Variants in ZBTB20 observed in about 807,000 individuals in gnomAD.
ZBTB20 encodes zinc finger and BTB domain-containing protein 20.
ZBTB20 carries 9 observed loss-of-function variants against 56.9 expected under a neutral mutation model. That is an observed-to-expected ratio of 0.16 (90% CI 0.10 to 0.28). The LOEUF (loss-of-function observed/expected upper bound fraction) is 0.28, where lower values mean the gene tolerates loss of function less well. Ranked by LOEUF, ZBTB20 falls within the 10% of genes least tolerant of loss-of-function variation. The pLI, the probability that ZBTB20 is intolerant of heterozygous loss-of-function variation, is 1.00. For synonymous variants in ZBTB20, 417 were observed against 420.7 expected (o/e 0.99, Z 0.11); for missense variants, 655 against 1,003.0 (o/e 0.65, Z 4.69).
intron 1 of ZBTB20, among the ~76,000 whole-genome samples, chr3:115,086,097 T>C (rs1425784126): frequency 1.2e-4 from 18 of 151,924 alleles, no homozygotes; most frequent in Non-Finnish European, 1.5e-5. Context: ...AAGCATTTTA[T>C]TTGCAGTATG....
At chr3:114,465,330 A>G (rs1052551866) in intron 7 of ZBTB20, among the ~76,000 whole-genome samples, 2 of 152,142 alleles carry the variant, frequency 1.3e-5, no homozygotes, top group Non-Finnish European at 2.9e-5. Flanking sequence ...TTTTTCTGAA[A>G]CAGTACCACC....
chr3:114,464,994 C>A (rs185212114), intron 7 of ZBTB20, among the ~76,000 whole-genome samples: 38 of 151,806 alleles, frequency 2.5e-4, no homozygotes, highest in African/African-American at 8.2e-4. Context: ...CCTTCTCCCC[C>A]AACCCCCACA....
At chr3:114,763,877 A>G (rs907512810) in intron 5 of ZBTB20, among the ~76,000 whole-genome samples, 2 of 152,178 alleles carry the variant, frequency 1.3e-5, no homozygotes, top group Non-Finnish European at 2.9e-5. Flanking sequence ...AAACCTCTGA[A>G]GCTGATTTTC....
chr3:114,819,379 A>C (rs1395284208), intron 4 of ZBTB20, among the ~76,000 whole-genome samples: 1 of 151,964 alleles, frequency 6.6e-6, no homozygotes, highest in Non-Finnish European at 1.5e-5. Flanking sequence ...GTAGGTGACA[A>C]AAGCCAAAGC....
intron 5 of ZBTB20, among the ~76,000 whole-genome samples, chr3:114,776,269 A>T (rs1418410454): frequency 2.0e-5 from 3 of 152,072 alleles, no homozygotes. Context: ...ATGAAAAAAA[A>T]AAAAGACTTT....
chr3:115,040,213 G>A (rs1322747956), intron 2 of ZBTB20, among the ~76,000 whole-genome samples: 1 of 152,016 alleles, frequency 6.6e-6, no homozygotes, highest in Non-Finnish European at 1.5e-5. Flanking sequence ...TCATTCAACA[G>A]ACATTTATTC....
intron 11 of ZBTB20, among the ~76,000 whole-genome samples, chr3:114,342,979 A>C (rs1229611017): frequency 6.6e-6 from 1 of 152,144 alleles, no homozygotes; most frequent in Non-Finnish European, 1.5e-5. Flanking sequence ...CACAGAAACC[A>C]AACAGCAAGG....
At chr3:115,146,290 T>A (rs1185025767) in intron 1 of ZBTB20, among the ~76,000 whole-genome samples, 1 of 151,014 alleles carries the variant, frequency 6.6e-6, no homozygotes, top group Non-Finnish European at 1.5e-5. Context: ...AGCATATGTT[T>A]GTGCAAGTGT....
chr3:114,416,297 T>C (rs569532001), intron 7 of ZBTB20, among the ~76,000 whole-genome samples: 1 of 144,772 alleles, frequency 6.9e-6, no homozygotes, highest in South Asian at 2.2e-4. Context: ...TGGTCAGACA[T>C]ATGATAATTT....
chr3:114,673,699 T>C (rs562947628), intron 6 of ZBTB20, among the ~76,000 whole-genome samples: 1 of 152,198 alleles, frequency 6.6e-6, no homozygotes, highest in Non-Finnish European at 1.5e-5. Flanking sequence ...CTCAGCCACA[T>C]GTCCTGAGGT....
intron 4 of ZBTB20, among the ~76,000 whole-genome samples, chr3:114,872,237 TA>T (rs1372546320): frequency 6.6e-6 from 1 of 152,110 alleles, no homozygotes; most frequent in Non-Finnish European, 1.5e-5. Context: ...CCATGCTAGA[TA>T]CTGGGAACAC....
At chr3:114,924,807 A>G (rs1228267290) in intron 3 of ZBTB20, among the ~76,000 whole-genome samples, 1 of 151,936 alleles carries the variant, frequency 6.6e-6, no homozygotes, top group Non-Finnish European at 1.5e-5. Flanking sequence ...GATACTGCTT[A>G]TTTTTTATCC....
At chr3:115,119,238 G>A (rs1576805970) in intron 1 of ZBTB20, among the ~76,000 whole-genome samples, 1 of 152,028 alleles carries the variant, frequency 6.6e-6, no homozygotes, top group Non-Finnish European at 1.5e-5. Flanking sequence ...AAAAGTTAAA[G>A]GTATGTGGGT....
At chr3:115,034,968 C>T (rs2080853797) in intron 2 of ZBTB20, among the ~76,000 whole-genome samples, 2 of 151,960 alleles carry the variant, frequency 1.3e-5, no homozygotes, top group Non-Finnish European at 2.9e-5. Flanking sequence ...GGGGAACAGA[C>T]AGTCTTTTCA....
At chr3:114,938,717 A>C (rs2076631303) in intron 3 of ZBTB20, among the ~76,000 whole-genome samples, 1 of 145,674 alleles carries the variant, frequency 6.9e-6, no homozygotes. Flanking sequence ...GAAATACCTA[A>C]TGTAGATGAC....
At chr3:114,683,389 T>G (rs1293626124) in intron 6 of ZBTB20, among the ~76,000 whole-genome samples, 2 of 152,094 alleles carry the variant, frequency 1.3e-5, no homozygotes, top group African/African-American at 4.8e-5. Context: ...GGACAATAAT[T>G]CATGGGGGGC....
intron 3 of ZBTB20, among the ~76,000 whole-genome samples, chr3:114,956,352 G>T (rs2077246002): frequency 6.6e-6 from 1 of 152,134 alleles, no homozygotes; most frequent in African/African-American, 2.4e-5. Flanking sequence ...CCCACATTCA[G>T]TTCACCCCTT....
intron 10 of ZBTB20, among the ~76,000 whole-genome samples, chr3:114,362,123 C>T (rs757153928): frequency 1.1e-4 from 16 of 152,082 alleles, no homozygotes; most frequent in Non-Finnish European, 1.8e-4. Flanking sequence ...GTTTAATTTT[C>T]TTTAGAAAAA....
intron 10 of ZBTB20, among the ~76,000 whole-genome samples, chr3:114,363,582 T>C (rs576226455): frequency 6.6e-6 from 1 of 152,342 alleles, no homozygotes; most frequent in Non-Finnish European, 1.5e-5. Flanking sequence ...TTATCCCACC[T>C]GTAAAACAAA....
Sources: gnomAD v4.1 joint callset for allele counts (sites outside exome capture counted in the v4.1 genomes callset) on GRCh38, gnomAD v4.1.1 for gene constraint, MANE v1.5 for transcripts, NCBI Gene and HGNC (gene_info 2026-07-23, HGNC 2026-07-21) for gene names.